MCRIP2: variants seen among roughly 807,000 people sequenced by gnomAD.
MCRIP2 encodes MAPK regulated corepressor interacting protein 2.
A neutral mutation model predicts 23.2 loss-of-function variants in MCRIP2; 21 were observed. That is an observed-to-expected ratio of 0.90 (90% CI 0.64 to 1.30). The LOEUF is 1.30. Ranked by LOEUF, MCRIP2 falls within the 50% of genes most tolerant of loss-of-function variation. MCRIP2 has a pLI of 0.00. For missense variants in MCRIP2, 234 were observed against 223.2 expected (o/e 1.05, Z -0.31); for synonymous variants, 121 against 100.2 (o/e 1.21, Z -1.24).
At chr16:645,984 C>G (rs527750341) in intron 2 of MCRIP2, 2 of 152,240 alleles carry the variant, frequency 1.3e-5, no homozygotes, top group East Asian at 3.8e-4. Flanking sequence ...GCCTTCACCT[C>G]CCTGGGCTGA....
At chr16:642,691 CCCT>C (rs1368831261) in intron 2 of MCRIP2, 1 of 152,472 alleles carries the variant, frequency 6.6e-6, no homozygotes, top group East Asian at 1.9e-4. Context: ...AGGGCCGCTG[CCCT>C]CCTCCGCCCT....
At chr16:643,625 A>G (rs1596449332) in intron 2 of MCRIP2, among the ~76,000 whole-genome samples, 1 of 148,486 alleles carries the variant, frequency 6.7e-6, no homozygotes, top group Admixed American at 6.7e-5. Context: ...GCTCACTGCA[A>G]CCTCTGCCTC....
At chr16:647,979 A>C in intron 4 of MCRIP2, 95 bp downstream of exon 4, 1 of 1,122,884 alleles carries the variant, frequency 8.9e-7, no homozygotes, top group South Asian at 1.5e-5. Flanking sequence ...GGGATGAGGG[A>C]GGGGACTCTT....
rs377247260 is a variant in MCRIP2, at chr16:641,960, G to A, written c.-32G>A. On this transcript the variant is annotated 5_prime_UTR_variant, in exon 1 of 5. Coordinates refer to ENST00000307650, the MANE Select transcript of MCRIP2 (RefSeq NM_138418.4). Reference sequence around the variant, plus strand: ...CCCGGCGCAGGGGCCGGATCTGGCCGGGGGCCGGCGGCGGTGTGGGAGCGG... The same window carrying A: ...CCCGGCGCAGGGGCCGGATCTGGCCAGGGGCCGGCGGCGGTGTGGGAGCGG... 7.7e-7 allele frequency: 1 copy of A among 1,303,576 alleles called. No homozygotes were observed. The highest frequency in any genetic ancestry group is 2.2e-5 in the South Asian group (1 of 46,278). 80.8% of individuals were successfully genotyped at this position (1,303,576 alleles called of 1,614,324 possible).
Position 642,354 on chromosome 16 carries a change from A to G in MCRIP2, c.182+105A>G, listed in dbSNP as rs943624845. On this transcript the variant is annotated intron_variant, in intron 2 of 4. Transcript: ENST00000307650. ...GGGGAAATGTTAGTGAGGTCCGGCC[A>G]CGTGCTGCAGGCGGGGCGGGCGCTC... 2.9e-6 allele frequency: 3 copies of G among 1,048,744 alleles called. No individual in the cohort carries two copies. In the African/African-American group the frequency reaches 5.1e-5, roughly 18 times the overall value. The allele number at this position is 1,048,744 out of a possible 1,614,324, so 65.0% of individuals were successfully genotyped here.
chr16:645,615 G>C (rs915002305), intron 2 of MCRIP2: 1 of 152,240 alleles, frequency 6.6e-6, no homozygotes, highest in African/African-American at 2.4e-5. Context: ...GAGGCAGTAA[G>C]ATAAACTGAG....
chr16:643,248 G>A (rs917613045), intron 2 of MCRIP2: 1 of 152,222 alleles, frequency 6.6e-6, no homozygotes, highest in African/African-American at 2.4e-5. Flanking sequence ...CATCACCCTT[G>A]GTCCTCGTGG....
intron 2 of MCRIP2, among the ~76,000 whole-genome samples, chr16:643,926 A>G (rs1004677541): frequency 7.9e-5 from 12 of 152,116 alleles, no homozygotes; most frequent in African/African-American, 2.4e-4. Context: ...GGGCTAGAGG[A>G]GCCCTGGGCA....
chr16:647,787 G>C lies in MCRIP2; in HGVS notation c.315G>C (p.Trp105Cys), dbSNP rs1473301867. Reference sequence around the variant, plus strand: ...CCGACTGCCCTCCTCCCACAGCCTGGCAGCAGGTGCAACAGCAGCTGGATG... The same window carrying C: ...CCGACTGCCCTCCTCCCACAGCCTGCCAGCAGGTGCAACAGCAGCTGGATG... Reference protein sequence around the residue: ...EENVRFVSEAWQQVQQQLDGG... With the variant: ...EENVRFVSEACQQVQQQLDGG... Residue 105 changes from tryptophan to cysteine, a missense_variant, in exon 4 of 5, where the codon TGG (tryptophan) becomes TGC (cysteine). Trp to Cys is a radical substitution (Grantham distance 215, BLOSUM62 -2). Transcript: ENST00000307650. 1 of 1,563,534 alleles carries C rather than the reference G, an allele frequency of 6.4e-7. No homozygotes were observed. Among genetic ancestry groups the C allele is most frequent in the Non-Finnish European group, 8.7e-7 (1 of 1,154,878 alleles).
At position 646,257 on chromosome 16, in the gene MCRIP2, T is replaced by C. The variant is rs2037478875; in HGVS notation, c.183-1160T>C. Reference sequence around the variant, plus strand: ...TCTTGGAGTTTCTGGCTTTCCGAGGTGGGAGTGGGTTGCAGGCAAGGGGGC... The same window carrying C: ...TCTTGGAGTTTCTGGCTTTCCGAGGCGGGAGTGGGTTGCAGGCAAGGGGGC... On this transcript the variant is annotated intron_variant, in intron 2 of 4. Transcript: ENST00000307650. The surrounding 1 kb of genome is among the most constrained non-coding windows in gnomAD (Gnocchi z 6.5). 6.6e-6 allele frequency: 1 copy of C among 152,142 alleles called. No individual in the cohort carries two copies. Among genetic ancestry groups the C allele is most frequent in the Non-Finnish European group, 1.5e-5 (1 of 68,024 alleles). The allele number at this position is 152,142 out of a possible 1,614,324, so 9.4% of individuals were successfully genotyped here.
chr16:647,363 C>T (rs2037509028), intron 2 of MCRIP2, 54 bp from the exon 3 acceptor site: 1 of 1,600,624 alleles, frequency 6.2e-7, no homozygotes, highest in Non-Finnish European at 8.5e-7. Context: ...TTCTGCCAGG[C>T]AGCACCGCAC....
intron 2 of MCRIP2, chr16:642,731 G>C (rs1203789428): frequency 6.6e-6 from 1 of 152,284 alleles, no homozygotes; most frequent in Non-Finnish European, 1.5e-5. Flanking sequence ...GGGGCAGTGG[G>C]GCCTCCCCCC....
chr16:642,373 G>C (rs2037369611), intron 2 of MCRIP2, 124 bp downstream of exon 2: 1 of 964,410 alleles, frequency 1.0e-6, no homozygotes, highest in Admixed American at 5.1e-5. Flanking sequence ...AGGCGGGGCG[G>C]GCGCTCCGGG....
rs1273923968 is a variant in MCRIP2 at position 648,273 on chromosome 16, G to A, written c.*83G>A. 4.4e-6 allele frequency: 6 copies of A among 1,363,486 alleles called. No individual in the cohort carries two copies. The highest frequency in any genetic ancestry group is 1.4e-5 in the African/African-American group (1 of 69,824). 84.5% of individuals were successfully genotyped at this position (1,363,486 alleles called of 1,614,324 possible). On this transcript the variant is annotated 3_prime_UTR_variant, in exon 5 of 5. Transcript: ENST00000307650. ...GCGCCCTGCCCACCCACTGCGCCTG[G>A]CTGGGTGCCGGCCACACCTGAAGTG...
chr16:647,923 C>G, intron 4 of MCRIP2, 39 bp downstream of exon 4: 1 of 1,341,772 alleles, frequency 7.5e-7, no homozygotes. Context: ...AGAGACCCCC[C>G]AGCCCCTCTG....
In MCRIP2 at chr16:646,453, A is replaced by G. The variant is rs1239483824; in HGVS notation, c.183-964A>G. 1 of 151,904 alleles carries G rather than the reference A, an allele frequency of 6.6e-6. No homozygotes were observed. Among genetic ancestry groups the G allele is most frequent in the Non-Finnish European group, 1.5e-5 (1 of 67,968 alleles). 9.4% of individuals were successfully genotyped at this position (151,904 alleles called of 1,614,324 possible). ...CCGGCAGGACCCTGCGCCCCTCAAG[A>G]CACTCCTCTTTATTTTAGTGCCCCT... On this transcript the variant is annotated intron_variant, in intron 2 of 4. Coordinates refer to ENST00000307650, the MANE Select transcript of MCRIP2 (RefSeq NM_138418.4). The surrounding 1 kb of genome is among the most constrained non-coding windows in gnomAD (Gnocchi z 6.5).
chr16:642,353 C>A, intron 2 of MCRIP2, 104 bp downstream of exon 2: 1 of 1,051,298 alleles, frequency 9.5e-7, no homozygotes, highest in Non-Finnish European at 1.2e-6. Flanking sequence ...GAGGTCCGGC[C>A]ACGTGCTGCA....
At chr16:647,258 C>A in intron 2 of MCRIP2, 159 bp from the exon 3 acceptor site, 1 of 967,256 alleles carries the variant, frequency 1.0e-6, no homozygotes, top group Non-Finnish European at 1.5e-6. Flanking sequence ...AGGCCTGGGC[C>A]ACCGGCTGCT....
rs776226719 is a variant in MCRIP2, at chr16:642,113, C to T, written c.53-7C>T. ...GGCGGCGGCTGACCGCCCCCCGGTG[C>T]CCGCAGGTCCCACGCAGCAGCAGGT... is the stretch of plus-strand genomic sequence containing the variant. On this transcript the variant is annotated splice_region_variant and splice_polypyrimidine_tract_variant and intron_variant, in intron 1 of 4. Transcript: ENST00000307650. 1.3e-5 allele frequency: 17 copies of T among 1,341,012 alleles called. No individual in the cohort carries two copies. In the South Asian group the frequency reaches 2.9e-4, roughly 23 times the overall value. 83.1% of individuals were successfully genotyped at this position (1,341,012 alleles called of 1,614,324 possible).
Sources: gnomAD v4.1 joint callset for allele counts (sites outside exome capture counted in the v4.1 genomes callset) on GRCh38, gnomAD v4.1.1 for gene constraint, Gnocchi (gnomAD v3.1) non-coding constraint, MANE v1.5 for transcripts, NCBI Gene and HGNC (gene_info 2026-07-23, HGNC 2026-07-21) for gene names.